The following MYO3B variants were observed in gnomAD, a reference collection of about 807,000 sequenced individuals.
MYO3B encodes the protein myosin IIIB.
A neutral mutation model predicts 174.6 loss-of-function variants in MYO3B; 156 were observed. The observed-to-expected ratio is 0.89, with a 90% CI of 0.78 to 1.02. MYO3B has a LOEUF of 1.02. Ranked by LOEUF, MYO3B falls within the 50% of genes least tolerant of loss-of-function variation. The pLI is 0.00. For synonymous variants in MYO3B, 563 were observed against 569.1 expected (o/e 0.99, Z 0.15); for missense variants, 1,632 against 1,639.4 (o/e 1.00, Z 0.08).
At chr2:170,601,639 C>T in intron 32 of MYO3B, 12 of 1,308,118 alleles carry the variant, frequency 9.2e-6, no homozygotes, top group Non-Finnish European at 1.3e-5. Context: ...TCATCTTCCT[C>T]CTCATAATCC....
intron 22 of MYO3B, among the ~76,000 whole-genome samples, chr2:170,441,816 T>G (rs907307995): frequency 2.0e-5 from 3 of 152,230 alleles, no homozygotes; most frequent in Non-Finnish European, 2.9e-5. Context: ...TCACTTTCAT[T>G]GCCATCTTGG....
chr2:170,235,896 A>G (rs1246844679), intron 6 of MYO3B, 95 bp from the exon 7 acceptor site: 1 of 1,509,650 alleles, frequency 6.6e-7, no homozygotes. Context: ...GTGGCCAAGA[A>G]AACTGAGAAC....
intron 7 of MYO3B, among the ~76,000 whole-genome samples, chr2:170,242,430 C>G (rs563004901): frequency 6.6e-6 from 1 of 152,248 alleles, no homozygotes; most frequent in African/African-American, 2.4e-5. Flanking sequence ...TCCGTGGGAA[C>G]CCAGTAGCTG....
intron 30 of MYO3B, among the ~76,000 whole-genome samples, chr2:170,542,353 A>C (rs1245721192): frequency 6.6e-6 from 1 of 152,260 alleles, no homozygotes; most frequent in Non-Finnish European, 1.5e-5. Flanking sequence ...AGATGTTAAT[A>C]GGTTATCACT....
At chr2:170,486,543 C>T (rs1012575636) in intron 25 of MYO3B, among the ~76,000 whole-genome samples, 21 of 152,088 alleles carry the variant, frequency 1.4e-4, no homozygotes, top group African/African-American at 3.9e-4. Context: ...TCAGGTGATC[C>T]GCCCGCCTCG....
intron 25 of MYO3B, among the ~76,000 whole-genome samples, chr2:170,489,405 G>A (rs17498333): frequency 0.11 from 16,002 of 152,132 alleles, 1,062 homozygotes; most frequent in South Asian, 0.23. Context: ...CCCAGTGTGC[G>A]GTGCAGAAGC....
At chr2:170,564,417 G>A (rs897722441) in intron 32 of MYO3B, among the ~76,000 whole-genome samples, 2 of 152,168 alleles carry the variant, frequency 1.3e-5, no homozygotes, top group East Asian at 3.8e-4. Flanking sequence ...AGGTGGCAGT[G>A]GGCTGAGATC....
rs1242500064 is a variant in MYO3B at position 170,601,997 on chromosome 2, A to G, written c.3734-49631A>G. On this transcript the variant is annotated intron_variant, in intron 32 of 34. Transcript: ENST00000408978. The stretch of plus-strand genomic sequence containing the variant: ...TTTGTCTCCCCTTTAGGAGGGATAT[A>G]GGTTTTCATTTCTCTTTCATAACGG... 3.4e-6 allele frequency: 3 copies of G among 881,026 alleles called. No homozygotes were observed. The African/African-American group carries it at 5.0e-5, about 15-fold the overall frequency. 54.6% of individuals were successfully genotyped at this position (881,026 alleles called of 1,614,324 possible).
Position 170,392,455 on chromosome 2 carries a change from C to A in MYO3B, c.1751C>A (p.Ala584Glu), listed in dbSNP as rs569341183. The A allele has an allele frequency of 6.3e-7, 1 of 1,597,046 alleles. No homozygotes were observed. Among genetic ancestry groups the A allele is most frequent in the East Asian group, 2.3e-5 (1 of 44,264 alleles). Residue 584 changes from alanine to glutamate, a missense_variant, in exon 16 of 35, where the codon GCA becomes GAA. Transcript: ENST00000408978. ...SKESYRRQFE[A>E]IQHCFRIIGF... is the part of the protein sequence containing the mutation. ...GAGTCTTACAGAAGACAATTCGAAGCAATTCAGCATTGCTTCAGGATTATA... is the reference window on the plus strand; with the variant it reads ...GAGTCTTACAGAAGACAATTCGAAGAAATTCAGCATTGCTTCAGGATTATA...
At chr2:170,606,394 A>G (rs1694811516) in intron 32 of MYO3B, among the ~76,000 whole-genome samples, 1 of 152,186 alleles carries the variant, frequency 6.6e-6, no homozygotes, top group African/African-American at 2.4e-5. Context: ...CCCTCAGCCT[A>G]GAACACTTTT....
intron 25 of MYO3B, among the ~76,000 whole-genome samples, chr2:170,488,230 G>A (rs116338266): frequency 0.01 from 1,551 of 152,230 alleles, 19 homozygotes; most frequent in African/African-American, 0.034. Flanking sequence ...CATATTCCAC[G>A]AATATTTTCC....
At chr2:170,378,928 C>T (rs2094314110) in intron 9 of MYO3B, among the ~76,000 whole-genome samples, 1 of 152,158 alleles carries the variant, frequency 6.6e-6, no homozygotes. Context: ...GACTTCCTTC[C>T]CCAGTCTGCC....
intron 32 of MYO3B, chr2:170,644,497 C>T (rs975864003): frequency 1.3e-5 from 2 of 152,286 alleles, no homozygotes; most frequent in Middle Eastern, 3.4e-3. Flanking sequence ...TTGTTGGCCA[C>T]GCTGGTTTTG....
At position 170,233,518 on chromosome 2, in the gene MYO3B, G is replaced by T. The variant is rs542757881; in HGVS notation, c.604-2473G>T. Among the ~76,000 whole-genome samples the T allele has an allele frequency of 7.2e-4, 110 of 152,352 alleles. 1 individual carries two copies. In the South Asian group the frequency reaches 0.023, roughly 31 times the overall value. ...TAATGTAGGTTCTCACCTGATTGGG[G>T]TGAGGAAAGGGAGGTCTTTGGGGGC... On this transcript the variant is annotated intron_variant, in intron 6 of 34. Transcript: ENST00000408978.
intron 32 of MYO3B, among the ~76,000 whole-genome samples, chr2:170,646,271 CA>C (rs746578328): frequency 0.022 from 2,707 of 121,204 alleles, 27 homozygotes; most frequent in Non-Finnish European, 0.027. Flanking sequence ...AACTCTGTCT[CA>C]AAAAAAAAAA....
At chr2:170,204,449 T>G (rs2092694803) in intron 3 of MYO3B, among the ~76,000 whole-genome samples, 2 of 152,228 alleles carry the variant, frequency 1.3e-5, no homozygotes, top group African/African-American at 4.8e-5. Flanking sequence ...GTGATTGTGT[T>G]GCATGGGCCA....
chr2:170,534,623 A>G (rs967995470), intron 30 of MYO3B, among the ~76,000 whole-genome samples: 1 of 152,140 alleles, frequency 6.6e-6, no homozygotes, highest in East Asian at 1.9e-4. Context: ...ATTTTTTTGT[A>G]GAAACAAGGT....
At chr2:170,652,883 A>C (rs1699098353) in intron 34 of MYO3B, 100 bp from the exon 35 acceptor site, 1 of 1,386,174 alleles carries the variant, frequency 7.2e-7, no homozygotes, top group Non-Finnish European at 1.0e-6. Context: ...GTTGGAGCCC[A>C]ACCCTGTTCC....
At chr2:170,499,109 T>G (rs1442961639) in intron 26 of MYO3B, among the ~76,000 whole-genome samples, 2 of 152,230 alleles carry the variant, frequency 1.3e-5, no homozygotes, top group African/African-American at 2.4e-5. Flanking sequence ...TCTCAGCATC[T>G]GTAGCTTTTC....
Sources: allele counts gnomAD v4.1 joint callset (sites outside exome capture counted in the v4.1 genomes callset), GRCh38; gene constraint gnomAD v4.1.1; transcripts MANE v1.5; gene names NCBI Gene and HGNC (gene_info 2026-07-23, HGNC 2026-07-21).